The following DGKI variants were observed in gnomAD, a reference collection of about 807,000 sequenced individuals.
DGKI encodes the protein DAG kinase iota.
In DGKI, 55 loss-of-function variants were observed where a neutral mutation model predicts 147.5. The ratio of observed to expected loss-of-function variants is 0.37; its 90% CI spans 0.30 to 0.47. The LOEUF (loss-of-function observed/expected upper bound fraction) is 0.47, where lower values mean the gene tolerates loss of function less well. Among genes scored for constraint, DGKI ranks in the 20% least tolerant of loss-of-function variants. DGKI has a pLI of 1.00. For missense variants in DGKI, 1,007 were observed against 1,323.8 expected, an observed-to-expected ratio of 0.76 and a Z score of 3.71; for synonymous variants, 469 against 477.1, an observed-to-expected ratio of 0.98 and a Z score of 0.22.
chr7:137,617,692 G>A (rs1419795266), intron 8 of DGKI, among the ~76,000 whole-genome samples: 2 of 152,074 alleles, frequency 1.3e-5, no homozygotes, highest in Non-Finnish European at 2.9e-5. Context: ...CCTGGGGATG[G>A]AATGTTCTGT....
intron 1 of DGKI, among the ~76,000 whole-genome samples, chr7:137,737,512 T>TAAAA (rs11435717): frequency 1.4e-5 from 2 of 146,670 alleles, no homozygotes; most frequent in Non-Finnish European, 1.5e-5. Flanking sequence ...TTCGTTTTAT[T>TAAAA]AAAAAAAAAA....
intron 1 of DGKI, among the ~76,000 whole-genome samples, chr7:137,705,230 C>T (rs918859731): frequency 6.6e-6 from 1 of 151,770 alleles, no homozygotes; most frequent in Non-Finnish European, 1.5e-5. Flanking sequence ...TGCAATATGA[C>T]CCAGAAATTT....
intron 1 of DGKI, among the ~76,000 whole-genome samples, chr7:137,840,117 T>C (rs1263914248): frequency 2.6e-5 from 4 of 152,220 alleles, no homozygotes; most frequent in Non-Finnish European, 5.9e-5. Flanking sequence ...CTAAACACTA[T>C]GGGTGTCAGG....
At chr7:137,651,826 A>G (rs10273400) in intron 5 of DGKI, among the ~76,000 whole-genome samples, 23,380 of 152,208 alleles carry the variant, frequency 0.15, 5,426 homozygotes, top group African/African-American at 0.51. Flanking sequence ...AGCATTCCAA[A>G]AAGGATGGAA....
intron 6 of DGKI, among the ~76,000 whole-genome samples, chr7:137,626,330 C>T (rs1286495106): frequency 2.4e-5 from 3 of 126,048 alleles, no homozygotes; most frequent in Admixed American, 2.2e-4. Flanking sequence ...CTGACACACA[C>T]ACACACACAC....
chr7:137,710,886 T>C (rs148341735), intron 1 of DGKI, among the ~76,000 whole-genome samples: 2 of 152,142 alleles, frequency 1.3e-5, no homozygotes, highest in Admixed American at 6.5e-5. Flanking sequence ...TAGATACTAA[T>C]AAGAAAAAGA....
At position 137,552,457 on chromosome 7, in the gene DGKI, C is replaced by T. The variant is rs370315489; in HGVS notation, c.2059G>A (p.Ala687Thr). ...MQVDGEPCRL[A>T]PAMIRISLRN... ...AGGGAGATCCGAATCATAGCTGGGG[C>T]CAACCTACAGGGCTCCCCATCCACT... Residue 687 changes from alanine (A) to threonine (T), a missense_variant, in exon 20 of 33, where the codon GCC becomes ACC. Ala to Thr is a moderately conservative substitution (Grantham distance 58). This residue lies in a region of DGKI where 224 missense variants were observed against 382.7 expected (regional missense o/e 0.59). Coordinates refer to ENST00000614521, the MANE Select transcript of DGKI (RefSeq NM_001321708.2). 1 of 1,614,138 alleles carries T rather than the reference C, an allele frequency of 6.2e-7. No individual in the cohort carries two copies. Among genetic ancestry groups the T allele is most frequent in the African/African-American group, 1.3e-5 (1 of 75,052 alleles).
intron 20 of DGKI, among the ~76,000 whole-genome samples, chr7:137,532,046 A>G (rs889889879): frequency 9.3e-5 from 14 of 150,492 alleles, no homozygotes; most frequent in Non-Finnish European, 1.9e-4. Flanking sequence ...AAAAAAAATC[A>G]AAGATTCAGA....
chr7:137,566,624 T>C lies in DGKI; in HGVS notation c.1947+4551A>G, dbSNP rs553366155. The stretch of plus-strand genomic sequence containing the variant: ...TATATGGATTACCTTATTCACATGA[T>C]GAAAAGAGAAAAAAATAATGGACCT... On this transcript the variant is annotated intron_variant, in intron 19 of 32. Transcript: ENST00000614521. 6.6e-5 allele frequency among the ~76,000 whole-genome samples: 10 copies of C among 152,286 alleles called. No homozygotes were observed. In the East Asian group the frequency reaches 1.9e-3, roughly 29 times the overall value.
chr7:137,820,264 GC>G (rs748465181), intron 1 of DGKI, among the ~76,000 whole-genome samples: 36 of 152,304 alleles, frequency 2.4e-4, no homozygotes, highest in Admixed American at 1.0e-3. Context: ...ACAGCAGGAG[GC>G]CCCAATCAGC....
At chr7:137,788,912 G>A (rs1303642171) in intron 1 of DGKI, among the ~76,000 whole-genome samples, 1 of 152,146 alleles carries the variant, frequency 6.6e-6, no homozygotes, top group Non-Finnish European at 1.5e-5. Context: ...ATCTTCAACA[G>A]AATCCCTTTT....
intron 27 of DGKI, among the ~76,000 whole-genome samples, chr7:137,447,077 A>G (rs1813746611): frequency 6.6e-6 from 1 of 152,160 alleles, no homozygotes; most frequent in Non-Finnish European, 1.5e-5. Flanking sequence ...CAGAATATTC[A>G]TATTTGTTTG....
chr7:137,512,747 A>T (rs963034568), intron 21 of DGKI, among the ~76,000 whole-genome samples: 4 of 152,206 alleles, frequency 2.6e-5, no homozygotes, highest in African/African-American at 9.6e-5. Context: ...GAAATCTAAC[A>T]TTATTAACTT....
chr7:137,803,621 C>A (rs1585512711), intron 1 of DGKI, among the ~76,000 whole-genome samples: 1 of 152,184 alleles, frequency 6.6e-6, no homozygotes, highest in African/African-American at 2.4e-5. Context: ...CATTTCATGT[C>A]ATTTTGAAGT....
At chr7:137,733,565 T>C (rs1017913724) in intron 1 of DGKI, among the ~76,000 whole-genome samples, 1 of 152,118 alleles carries the variant, frequency 6.6e-6, no homozygotes, top group Non-Finnish European at 1.5e-5. Flanking sequence ...CTTCTTTGCA[T>C]AACTATTGCG....
intron 19 of DGKI, among the ~76,000 whole-genome samples, chr7:137,558,562 G>A (rs1818305519): frequency 6.6e-6 from 1 of 151,198 alleles, no homozygotes; most frequent in Admixed American, 6.6e-5. Flanking sequence ...ATAGGTGTGA[G>A]CCACTGCGCC....
chr7:137,791,111 T>C (rs1347758744), intron 1 of DGKI, among the ~76,000 whole-genome samples: 1 of 152,170 alleles, frequency 6.6e-6, no homozygotes, highest in Non-Finnish European at 1.5e-5. Flanking sequence ...CTCACCTCAG[T>C]ACTCACAAAC....
intron 19 of DGKI, among the ~76,000 whole-genome samples, chr7:137,565,094 A>G (rs1315848359): frequency 2.0e-5 from 3 of 152,254 alleles, no homozygotes; most frequent in African/African-American, 7.2e-5. Flanking sequence ...ATAAGAAAAT[A>G]ATTTGAAATG....
chr7:137,782,109 G>A (rs1008273031), intron 1 of DGKI, among the ~76,000 whole-genome samples: 6 of 152,060 alleles, frequency 3.9e-5, no homozygotes, highest in Admixed American at 6.6e-5. Flanking sequence ...TTCAAGTAAC[G>A]AACTAGATCA....
Sources: gnomAD v4.1 joint callset for allele counts (sites outside exome capture counted in the v4.1 genomes callset) on GRCh38, gnomAD v4.1.1 for gene constraint, gnomAD v4.1.1 regional missense constraint, MANE v1.5 for transcripts, NCBI Gene and HGNC (gene_info 2026-07-23, HGNC 2026-07-21) for gene names.